Variants in MXRA7 observed in about 807,000 individuals in gnomAD.
MXRA7 encodes matrix remodeling associated 7, also known as matrix-remodeling-associated protein 7.
MXRA7 carries 18 observed loss-of-function variants against 17.4 expected under a neutral mutation model. The ratio of observed to expected loss-of-function variants is 1.03; its 90% CI spans 0.71 to 1.53. MXRA7 has a LOEUF of 1.53. MXRA7 is among the 40% of genes most tolerant of loss of function. The probability of loss-of-function intolerance (pLI) is 0.00; values close to 1 mark genes in which losing one functional copy is unlikely to be tolerated. For missense variants in MXRA7, 141 were observed against 209.3 expected, an observed-to-expected ratio of 0.67 and a Z score of 2.01; for synonymous variants, 70 against 101.7, an observed-to-expected ratio of 0.69 and a Z score of 1.87.
At chr17:76,677,755 G>T, downstream of MXRA7, 2 of 1,334,744 alleles carry the variant, frequency 1.5e-6, no homozygotes, top group Non-Finnish European at 2.2e-6. Flanking sequence ...CCACTGGGGA[G>T]AGAGGGAGCC....
chr17:76,707,476 G>T (rs534227348), intron 1 of MXRA7, among the ~76,000 whole-genome samples: 1 of 152,086 alleles, frequency 6.6e-6, no homozygotes, highest in South Asian at 2.1e-4. Flanking sequence ...GCTAATTTCT[G>T]TATTTTTAGT....
chr17:76,698,786 G>C (rs1283253878), intron 1 of MXRA7, among the ~76,000 whole-genome samples: 1 of 132,994 alleles, frequency 7.5e-6, no homozygotes, highest in East Asian at 2.3e-4. Flanking sequence ...GCAATGGTGG[G>C]ATCTCTGCTC....
At chr17:76,688,914 A>C (rs1209286541) in intron 1 of MXRA7, 2 of 294,182 alleles carry the variant, frequency 6.8e-6, no homozygotes, top group Non-Finnish European at 1.2e-5. Context: ...GAGCAGCCCC[A>C]GCTGATCCCA....
intron 1 of MXRA7, among the ~76,000 whole-genome samples, chr17:76,701,573 T>C (rs1177597360): frequency 6.6e-6 from 1 of 151,984 alleles, no homozygotes; most frequent in Non-Finnish European, 1.5e-5. Context: ...AAGGCAGGCC[T>C]GGTCCAGGAG....
intron 1 of MXRA7, chr17:76,690,326 T>C (rs2076466635): frequency 6.6e-6 from 1 of 152,144 alleles, no homozygotes; most frequent in Non-Finnish European, 1.5e-5. Flanking sequence ...ACTAAATATA[T>C]TTTTTAAATG....
At chr17:76,706,043 T>TATCACAAAGGACCACACTGCC (rs2076651188) in intron 1 of MXRA7, among the ~76,000 whole-genome samples, 3 of 91,898 alleles carry the variant, frequency 3.3e-5, no homozygotes, top group Non-Finnish European at 4.8e-5. Flanking sequence ...CCCACTCTGC[T>TATCACAAAGGACCACACTGCC]ATCACAAAGG....
At chr17:76,702,807 G>A (rs531772645) in intron 1 of MXRA7, among the ~76,000 whole-genome samples, 24 of 99,312 alleles carry the variant, frequency 2.4e-4, no homozygotes, top group African/African-American at 7.3e-4. Context: ...AGCCAAGATC[G>A]CGCCACTGCA....
chr17:76,684,001 GC>G, intron 3 of MXRA7: 1 of 1,155,922 alleles, frequency 8.7e-7, no homozygotes, highest in Non-Finnish European at 1.3e-6. Flanking sequence ...CGGGGCTCCT[GC>G]CAGGGCTCTT....
intron 1 of MXRA7, among the ~76,000 whole-genome samples, chr17:76,695,377 T>TGTGTGTGC (rs778832311): frequency 4.5e-4 from 68 of 151,636 alleles, no homozygotes; most frequent in African/African-American, 1.5e-3. Context: ...TGTGTGTGTG[T>TGTGTGTGC]GCAACGGGAT....
rs944877751 is a variant in MXRA7, at chr17:76,710,807, G to A, written c.140C>T (p.Pro47Leu). ...PARAPPEPAPPAEATGAPAPS... is the reference protein window; with the variant it reads ...PARAPPEPAPLAEATGAPAPS... ...CGCCGGGGCCCCGGTGGCCTCGGCC[G>A]GGGGCGCGGGTTCCGGGGGCGCGCG... The change falls in exon 1 of 4, where the codon CCG becomes CTG. Residue 47 changes from proline (P) to leucine (L), a missense_variant. Around this residue, in one of 3 missense-constraint regions of MXRA7, gnomAD observed 72 missense variants for 111.9 expected, o/e 0.64. Coordinates refer to ENST00000449428, the MANE Select transcript of MXRA7 (RefSeq NM_198530.4). The A allele has an allele frequency of 2.1e-6, 2 of 943,948 alleles. No individual in the cohort carries two copies. The highest frequency in any genetic ancestry group is 1.8e-5 in the African/African-American group (1 of 55,254). 58.5% of individuals were successfully genotyped at this position (943,948 alleles called of 1,614,324 possible). A position where few individuals can be genotyped will look rare whatever the true frequency, so the allele number is the denominator to read the frequency against.
chr17:76,703,974 C>T (rs975586753), intron 1 of MXRA7, among the ~76,000 whole-genome samples: 2 of 150,980 alleles, frequency 1.3e-5, no homozygotes, highest in African/African-American at 4.9e-5. Flanking sequence ...TGGTGGCCAC[C>T]TGTAATCCCA....
At chr17:76,675,166 C>T (rs2076230220), downstream of MXRA7, 1 of 152,132 alleles carries the variant, frequency 6.6e-6, no homozygotes, top group East Asian at 1.9e-4. Context: ...TTCCCAATGC[C>T]ATCAGGATTT....
At chr17:76,676,094 A>G (rs1010263996), downstream of MXRA7, 5 of 152,222 alleles carry the variant, frequency 3.3e-5, no homozygotes, top group African/African-American at 1.2e-4. Context: ...AGTTATCCCC[A>G]TCATTGTATG....
intron 1 of MXRA7, chr17:76,688,646 A>T (rs1354600625): frequency 2.4e-6 from 3 of 1,239,706 alleles, no homozygotes; most frequent in Non-Finnish European, 3.0e-6. Context: ...CTCAGTGTCC[A>T]TGTTCCCAAA....
intron 1 of MXRA7, among the ~76,000 whole-genome samples, chr17:76,705,007 T>A (rs2076640629): frequency 6.6e-6 from 1 of 152,058 alleles, no homozygotes; most frequent in African/African-American, 2.4e-5. Context: ...GTCTCCCTCC[T>A]CCCACAGTGT....
intron 2 of MXRA7, among the ~76,000 whole-genome samples, 180 bp from the exon 3 acceptor site, chr17:76,685,345 A>G (rs1387461656): frequency 6.6e-6 from 1 of 152,092 alleles, no homozygotes; most frequent in Non-Finnish European, 1.5e-5. Context: ...CTTAAATCCT[A>G]CAACGAGACA....
chr17:76,708,648 G>A (rs2076688042), intron 1 of MXRA7, among the ~76,000 whole-genome samples: 1 of 152,138 alleles, frequency 6.6e-6, no homozygotes, highest in South Asian at 2.1e-4. Context: ...TTTCTAAGCA[G>A]CTTCTTAGGT....
At chr17:76,702,516 A>AAAGAAGAAG (rs149456126) in intron 1 of MXRA7, among the ~76,000 whole-genome samples, 1 of 151,630 alleles carries the variant, frequency 6.6e-6, no homozygotes, top group African/African-American at 2.4e-5. Flanking sequence ...TAAATAAATA[A>AAAGAAGAAG]AAGAAGAAGA....
chr17:76,685,213 C>T (rs1164392435), intron 2 of MXRA7, 48 bp from the exon 3 acceptor site: 7 of 1,383,860 alleles, frequency 5.1e-6, no homozygotes, highest in Non-Finnish European at 7.2e-6. Flanking sequence ...TAGAGGCTGG[C>T]CCCACAAACC....
Sources: allele counts gnomAD v4.1 joint callset (sites outside exome capture counted in the v4.1 genomes callset), GRCh38; gene constraint gnomAD v4.1.1; regional missense constraint gnomAD v4.1.1; transcripts MANE v1.5; gene names NCBI Gene and HGNC (gene_info 2026-07-23, HGNC 2026-07-21).